The following ADAMTS17 variants were observed in gnomAD, a reference collection of about 807,000 sequenced individuals.
The protein encoded by ADAMTS17 is A disintegrin and metalloproteinase with thrombospondin motifs 17.
In ADAMTS17, 113 loss-of-function variants were observed where a neutral mutation model predicts 141.5. The ratio of observed to expected loss-of-function variants is 0.80; its 90% CI spans 0.69 to 0.93. The LOEUF (loss-of-function observed/expected upper bound fraction) is 0.93, where lower values mean the gene tolerates loss of function less well. Ranked by LOEUF, ADAMTS17 falls within the 40% of genes least tolerant of loss-of-function variation. The pLI is 0.00. For missense variants in ADAMTS17, 1,659 were observed against 1,517.9 expected (o/e 1.09, Z -1.54); for synonymous variants, 768 against 630.6 (o/e 1.22, Z -3.27).
chr15:100,201,727 G>A (rs186056774), intron 7 of ADAMTS17, among the ~76,000 whole-genome samples: 29 of 152,048 alleles, frequency 1.9e-4, no homozygotes, highest in African/African-American at 6.0e-4. Flanking sequence ...TTGTGGCCAC[G>A]TGGATGTCAC....
At chr15:100,207,252 GAC>G (rs1400836727) in intron 7 of ADAMTS17, among the ~76,000 whole-genome samples, 2 of 152,284 alleles carry the variant, frequency 1.3e-5, no homozygotes, top group African/African-American at 4.8e-5. Flanking sequence ...GGCAGGTGAG[GAC>G]ACAGTGAGAA....
At chr15:100,203,168 C>A (rs900776544) in intron 7 of ADAMTS17, among the ~76,000 whole-genome samples, 2 of 152,196 alleles carry the variant, frequency 1.3e-5, no homozygotes, top group African/African-American at 2.4e-5. Flanking sequence ...CTCCACTACA[C>A]CCCTGACAAC....
chr15:100,254,003 CA>C, intron 7 of ADAMTS17, 132 bp downstream of exon 7: 2 of 851,524 alleles, frequency 2.3e-6, no homozygotes, highest in Non-Finnish European at 3.9e-6. Flanking sequence ...AGTCAAAGAC[CA>C]ACTTACAGGA....
intron 4 of ADAMTS17, among the ~76,000 whole-genome samples, chr15:100,270,067 A>G (rs1473357075): frequency 1.3e-5 from 2 of 152,200 alleles, no homozygotes; most frequent in African/African-American, 2.4e-5. Context: ...TCCAGGCTTC[A>G]TAAGCTCTTA....
intron 15 of ADAMTS17, among the ~76,000 whole-genome samples, chr15:100,055,233 A>G (rs28685197): frequency 0.38 from 57,756 of 152,038 alleles, 13,027 homozygotes; most frequent in African/African-American, 0.63. Flanking sequence ...ATCAGATTCT[A>G]CTGCATTGAC....
At chr15:100,313,172 CAT>C (rs2045457218) in intron 3 of ADAMTS17, among the ~76,000 whole-genome samples, 1 of 152,258 alleles carries the variant, frequency 6.6e-6, no homozygotes, top group East Asian at 1.9e-4. Flanking sequence ...TACTTCTTTT[CAT>C]GGAGCTATAA....
chr15:100,053,405 T>C (rs1370767047), intron 16 of ADAMTS17, among the ~76,000 whole-genome samples: 3 of 152,250 alleles, frequency 2.0e-5, no homozygotes, highest in South Asian at 2.1e-4. Context: ...TCCCCCTCCC[T>C]GATTCCCAAA....
At chr15:99,975,961 TGAAAGAACCTCACCGTCA>T in intron 21 of ADAMTS17, 66 bp downstream of exon 21, 1 of 1,433,256 alleles carries the variant, frequency 7.0e-7, no homozygotes, top group Non-Finnish European at 9.4e-7. Flanking sequence ...GCTTTCTGGC[TGAAAGAACCTCACCGTCA>T]GGGAGGACTT....
At chr15:100,263,790 G>C (rs945369851) in intron 4 of ADAMTS17, among the ~76,000 whole-genome samples, 1 of 152,244 alleles carries the variant, frequency 6.6e-6, no homozygotes, top group East Asian at 1.9e-4. Context: ...CATAACCCAG[G>C]AGGGAGAATT....
intron 3 of ADAMTS17, among the ~76,000 whole-genome samples, chr15:100,323,506 G>C (rs918119862): frequency 9.2e-5 from 14 of 152,146 alleles, no homozygotes; most frequent in Non-Finnish European, 1.5e-4. Context: ...AGGGAAATGA[G>C]TAGCCTTAAA....
At chr15:100,305,055 T>C (rs565695784) in intron 3 of ADAMTS17, among the ~76,000 whole-genome samples, 14 of 152,224 alleles carry the variant, frequency 9.2e-5, no homozygotes, top group African/African-American at 1.4e-4. Flanking sequence ...AAGCGCAGCC[T>C]ATAAGCAGTT....
intron 13 of ADAMTS17, among the ~76,000 whole-genome samples, chr15:100,114,471 A>G (rs2036987013): frequency 6.6e-6 from 1 of 152,160 alleles, no homozygotes; most frequent in African/African-American, 2.4e-5. Flanking sequence ...TCCTTTTAAA[A>G]ATGCTGGCTT....
chr15:100,262,558 A>G, intron 4 of ADAMTS17, 123 bp from the exon 5 acceptor site: 2 of 712,394 alleles, frequency 2.8e-6, no homozygotes, highest in Non-Finnish European at 4.6e-6. Context: ...AATAGAAATA[A>G]AGCGTAGACT....
intron 19 of ADAMTS17, among the ~76,000 whole-genome samples, chr15:99,995,113 C>G (rs1271600685): frequency 6.6e-6 from 1 of 152,188 alleles, no homozygotes; most frequent in South Asian, 2.1e-4. Context: ...GTGGACTTTA[C>G]ATGCAGGAGC....
At chr15:100,162,900 CTA>C (rs1162467648) in intron 8 of ADAMTS17, among the ~76,000 whole-genome samples, 3 of 141,494 alleles carry the variant, frequency 2.1e-5, no homozygotes, top group African/African-American at 5.2e-5. Context: ...GTATATAGAA[CTA>C]TATATGTATA....
intron 7 of ADAMTS17, among the ~76,000 whole-genome samples, chr15:100,242,617 C>A (rs2042861026): frequency 6.6e-6 from 1 of 152,312 alleles, no homozygotes; most frequent in Non-Finnish European, 1.5e-5. Context: ...GTCCTGCACA[C>A]ACCACCCTCA....
intron 15 of ADAMTS17, among the ~76,000 whole-genome samples, chr15:100,060,374 G>A (rs1185301922): frequency 6.6e-6 from 1 of 152,174 alleles, no homozygotes; most frequent in Non-Finnish European, 1.5e-5. Context: ...CATGCAGAAC[G>A]TCCATTTCGG....
intron 7 of ADAMTS17, among the ~76,000 whole-genome samples, chr15:100,200,104 C>T (rs1185503822): frequency 1.3e-5 from 2 of 152,232 alleles, no homozygotes; most frequent in African/African-American, 4.8e-5. Flanking sequence ...GAGCACCAGC[C>T]CACAAGCCAA....
chr15:100,306,872 A>C (rs1054893194), intron 3 of ADAMTS17, among the ~76,000 whole-genome samples: 1 of 152,176 alleles, frequency 6.6e-6, no homozygotes, highest in Admixed American at 6.5e-5. Flanking sequence ...CACAGGCCCA[A>C]AGAATTGCTC....
Sources: gnomAD v4.1 joint callset for allele counts (sites outside exome capture counted in the v4.1 genomes callset) on GRCh38, gnomAD v4.1.1 for gene constraint, MANE v1.5 for transcripts, NCBI Gene and HGNC (gene_info 2026-07-23, HGNC 2026-07-21) for gene names.